ZMYM2: variants seen among roughly 807,000 people sequenced by gnomAD.
The protein encoded by ZMYM2 is zinc finger MYM-type containing 2.
ZMYM2 carries 56 observed loss-of-function variants against 162.8 expected under a neutral mutation model. The observed-to-expected ratio is 0.34, with a 90% CI of 0.28 to 0.43. The LOEUF (loss-of-function observed/expected upper bound fraction) is 0.43. Ranked by LOEUF, ZMYM2 falls within the 20% of genes least tolerant of loss-of-function variation. The pLI, the probability that ZMYM2 is intolerant of heterozygous loss-of-function variation, is 1.00. For missense variants in ZMYM2, 1,275 were observed against 1,621.8 expected, an observed-to-expected ratio of 0.79 and a Z score of 3.67; for synonymous variants, 510 against 541.6, an observed-to-expected ratio of 0.94 and a Z score of 0.81.
intron 12 of ZMYM2, among the ~76,000 whole-genome samples, chr13:20,050,429 A>G (rs1955213582): frequency 6.6e-6 from 1 of 152,056 alleles, no homozygotes; most frequent in South Asian, 2.1e-4. Context: ...CCATGGCCAC[A>G]GTTACTACGA....
intron 2 of ZMYM2, among the ~76,000 whole-genome samples, chr13:19,966,073 C>A (rs1955737359): frequency 1.3e-5 from 2 of 151,700 alleles, no homozygotes; most frequent in African/African-American, 4.8e-5. Context: ...GCCACCGCAC[C>A]AGGCCTGAAT....
At chr13:19,951,886 T>A in the ZMYM2 span, among the ~76,000 whole-genome samples, 1,118 of 152,142 alleles carry the variant, frequency 7.3e-3, 18 homozygotes, top group African/African-American at 0.025. Context: ...CGCTAGTGAG[T>A]ATATACCCAA....
intron 21 of ZMYM2, among the ~76,000 whole-genome samples, chr13:20,074,275 A>C (rs1957325219): frequency 6.6e-6 from 1 of 151,564 alleles, no homozygotes; most frequent in Non-Finnish European, 1.5e-5. Context: ...TCTGGCGCCC[A>C]GGCTGGAGTC....
chr13:20,004,599 G>GTTAA (rs1950612163), intron 4 of ZMYM2, among the ~76,000 whole-genome samples: 1 of 152,186 alleles, frequency 6.6e-6, no homozygotes, highest in African/African-American at 2.4e-5. Context: ...GGAGAGCCAT[G>GTTAA]TTAATAGTGG....
the ZMYM2 span, among the ~76,000 whole-genome samples, chr13:19,906,210 G>A: frequency 6.8e-6 from 1 of 146,896 alleles, no homozygotes; most frequent in Admixed American, 7.0e-5. Flanking sequence ...GGGAGGTGGA[G>A]GTTACAGGGA....
chr13:20,035,538 C>G (rs923324624), intron 11 of ZMYM2, among the ~76,000 whole-genome samples: 1 of 152,152 alleles, frequency 6.6e-6, no homozygotes, highest in Admixed American at 6.5e-5. Flanking sequence ...CTTACTGATT[C>G]ATAAATCTGA....
Position 20,027,293 on chromosome 13 carries a change from A to G in ZMYM2, c.1826A>G (p.Asn609Ser). The G allele has an allele frequency of 1.3e-6, 2 of 1,574,882 alleles. No individual in the cohort carries two copies. The highest frequency in any genetic ancestry group is 1.3e-5 in the African/African-American group (1 of 74,332). ...MPDGKLYNFC[N>S]SSCVAKFQAL... ...GATGGAAAACTGTACAACTTTTGCA[A>G]TTCCAGTTGTGTGGCTAAATTTCAG... Residue 609 changes from asparagine to serine, a missense_variant, in exon 9 of 25, where the codon AAT becomes AGT. Physicochemically the swap from Asn to Ser is conservative, Grantham distance 46. Transcript: ENST00000610343.
At chr13:19,921,900 G>A in the ZMYM2 span, among the ~76,000 whole-genome samples, 1 of 135,802 alleles carries the variant, frequency 7.4e-6, no homozygotes, top group East Asian at 2.2e-4. Context: ...CTGATGAGCA[G>A]CAGTTACAAG....
rs67460005 is a variant in ZMYM2 at position 19,971,262 on chromosome 13, A to ATTT, written c.-11+11255_-11+11257dup. 8.6e-4 allele frequency among the ~76,000 whole-genome samples: 67 copies of ATTT among 78,332 alleles called. 2 individuals carry two copies. Among genetic ancestry groups the ATTT allele is most frequent in the African/African-American group, 2.0e-3 (44 of 21,568 alleles). The allele number at this position is 78,332 out of a possible 152,430, so 51.4% of individuals were successfully genotyped here. A position where few individuals can be genotyped will look rare whatever the true frequency, so the allele number is the denominator to read the frequency against. ...TGTGTGTGTATATATATATATATAT[A>ATTT]TTTTTTTTTTTTTTTTTTTTTCCTT... On this transcript the variant is annotated intron_variant, in intron 2 of 24. Coordinates refer to ENST00000610343, the MANE Select transcript of ZMYM2 (RefSeq NM_197968.4).
chr13:20,068,700 C>T (rs1056527037), intron 21 of ZMYM2, among the ~76,000 whole-genome samples: 31 of 151,712 alleles, frequency 2.0e-4, no homozygotes, highest in African/African-American at 6.5e-4. Flanking sequence ...TTGTCTTGGT[C>T]CTCTAGTTTC....
chr13:19,991,731 G>C (rs1422841861), intron 2 of ZMYM2, among the ~76,000 whole-genome samples: 1 of 150,502 alleles, frequency 6.6e-6, no homozygotes, highest in Non-Finnish European at 1.5e-5. Flanking sequence ...CCCGGCCTCA[G>C]ATGATTCTCC....
At chr13:20,048,807 T>G (rs1593109269) in intron 12 of ZMYM2, among the ~76,000 whole-genome samples, 1 of 25,796 alleles carries the variant, frequency 3.9e-5, no homozygotes, top group African/African-American at 4.4e-5. Flanking sequence ...GTGACTTGTT[T>G]TTTTTTTTTT....
intron 10 of ZMYM2, among the ~76,000 whole-genome samples, chr13:20,032,712 G>A (rs12875133): frequency 3.5e-5 from 5 of 143,056 alleles, no homozygotes; most frequent in Non-Finnish European, 6.0e-5. Context: ...AGGTTCAAGC[G>A]ATTCTCCTGC....
chr13:19,960,913 C>A (rs569925124), intron 2 of ZMYM2, among the ~76,000 whole-genome samples: 4 of 152,274 alleles, frequency 2.6e-5, no homozygotes, highest in African/African-American at 9.6e-5. Context: ...AGTATTCAGT[C>A]CACATGGTTC....
chr13:20,030,512 C>G (rs927782237), intron 9 of ZMYM2, among the ~76,000 whole-genome samples: 2 of 151,872 alleles, frequency 1.3e-5, no homozygotes, highest in Non-Finnish European at 2.9e-5. Flanking sequence ...CATTCTCCTG[C>G]CTCAACCTCC....
intron 21 of ZMYM2, among the ~76,000 whole-genome samples, chr13:20,069,728 G>A (rs978033332): frequency 6.6e-6 from 1 of 151,736 alleles, no homozygotes; most frequent in African/African-American, 2.4e-5. Flanking sequence ...AGATATATTG[G>A]TGATGATTTT....
At chr13:19,967,717 A>G (rs554335999) in intron 2 of ZMYM2, among the ~76,000 whole-genome samples, 1 of 152,342 alleles carries the variant, frequency 6.6e-6, no homozygotes, top group East Asian at 1.9e-4. Flanking sequence ...GAGTATGGTA[A>G]TGCCTGGTTT....
intron 2 of ZMYM2, among the ~76,000 whole-genome samples, chr13:19,964,433 A>T (rs1383948355): frequency 6.6e-6 from 1 of 152,110 alleles, no homozygotes; most frequent in East Asian, 1.9e-4. Context: ...CATGTTTAAT[A>T]GGTCGGTTTT....
chr13:20,054,525 C>A (rs1363372004), intron 14 of ZMYM2, among the ~76,000 whole-genome samples: 3 of 152,084 alleles, frequency 2.0e-5, no homozygotes, highest in African/African-American at 7.2e-5. Context: ...TTTCATAGTC[C>A]CTGGCATCTA....
Sources: allele counts gnomAD v4.1 joint callset (sites outside exome capture counted in the v4.1 genomes callset), GRCh38; gene constraint gnomAD v4.1.1; transcripts MANE v1.5; gene names NCBI Gene and HGNC (gene_info 2026-07-23, HGNC 2026-07-21).